Variants in LYRM4 observed in about 807,000 individuals in gnomAD.
The protein encoded by LYRM4 is LYR motif-containing protein 4.
Under a neutral mutation model 11.7 loss-of-function variants are expected in LYRM4, and 9 were observed. The ratio of observed to expected loss-of-function variants is 0.77; its 90% CI spans 0.46 to 1.34. The LOEUF is 1.34. Ranked by LOEUF, LYRM4 falls within the 40% of genes most tolerant of loss-of-function variation. The pLI is 0.00. For missense variants in LYRM4, 133 were observed against 112.5 expected, an observed-to-expected ratio of 1.18 and a Z score of -0.82; for synonymous variants, 42 against 40.4, an observed-to-expected ratio of 1.04 and a Z score of -0.15.
chr6:5,056,233 G>T, the LYRM4 span, among the ~76,000 whole-genome samples: 2 of 152,128 alleles, frequency 1.3e-5, no homozygotes, highest in Non-Finnish European at 1.5e-5. Context: ...ATCTACTTCT[G>T]CATTCAACCA....
At chr6:5,103,518 C>T (rs1350297885), downstream of LYRM4, 4 of 152,204 alleles carry the variant, frequency 2.6e-5, 1 homozygote, top group South Asian at 4.1e-4. Context: ...TTCTCATCCA[C>T]GACTGTGGGC....
chr6:5,260,543 A>G, intron 1 of LYRM4, 105 bp downstream of exon 1: 2 of 1,456,714 alleles, frequency 1.4e-6, no homozygotes, highest in Non-Finnish European at 1.8e-6. Flanking sequence ...AGCCGCCGGC[A>G]AACCACGGTG....
At chr6:5,238,489 G>A (rs1357014461) in intron 1 of LYRM4, among the ~76,000 whole-genome samples, 1 of 152,166 alleles carries the variant, frequency 6.6e-6, no homozygotes, top group East Asian at 1.9e-4. Flanking sequence ...TATAGGCACT[G>A]GATATATTAA....
the LYRM4 span, among the ~76,000 whole-genome samples, chr6:5,043,688 C>A: frequency 2.0e-5 from 3 of 152,160 alleles, no homozygotes; most frequent in Non-Finnish European, 2.9e-5. Context: ...TGCCACCCCC[C>A]ATTCCTCGGG....
At chr6:5,034,987 G>T in the LYRM4 span, among the ~76,000 whole-genome samples, 757 of 151,884 alleles carry the variant, frequency 5.0e-3, 3 homozygotes, top group Non-Finnish European at 7.5e-3. Flanking sequence ...TGCTATACAA[G>T]AAAAGAGTTA....
chr6:5,183,594 A>G lies in LYRM4; in HGVS notation c.207+33024T>C, dbSNP rs1378922635. Among the ~76,000 whole-genome samples the G allele has an allele frequency of 2.0e-5, 3 of 152,182 alleles. No individual in the cohort carries two copies. The South Asian group carries it at 6.2e-4, about 32-fold the overall frequency. On this transcript the variant is annotated intron_variant, in intron 2 of 2. Transcript: ENST00000330636. ...TTCTGCTATGCCTCTACAATCTCCA[A>G]TTTTGAATTTCACATCAAACCTCAG...
intron 2 of LYRM4, among the ~76,000 whole-genome samples, chr6:5,204,892 T>C (rs570801365): frequency 1.3e-5 from 2 of 152,344 alleles, no homozygotes; most frequent in Admixed American, 1.3e-4. Flanking sequence ...GCAAAGATGC[T>C]AAGTGGTGCA....
the LYRM4 span, chr6:5,066,423 CT>C: frequency 1.3e-6 from 1 of 747,654 alleles, no homozygotes; most frequent in Non-Finnish European, 2.5e-6. Context: ...TTTTAAAGGG[CT>C]GCCTGCTGTC....
intron 2 of LYRM4, among the ~76,000 whole-genome samples, chr6:5,110,273 G>A (rs1340832764): frequency 8.8e-6 from 1 of 114,060 alleles, no homozygotes; most frequent in African/African-American, 3.6e-5. Flanking sequence ...ACTATCTATG[G>A]GTAATTCGGG....
chr6:5,045,951 G>T, the LYRM4 span, among the ~76,000 whole-genome samples: 1 of 152,122 alleles, frequency 6.6e-6, no homozygotes, highest in African/African-American at 2.4e-5. Flanking sequence ...GCAGGACATC[G>T]TGCTGCTTAG....
chr6:5,148,793 T>G (rs894118105), intron 2 of LYRM4, among the ~76,000 whole-genome samples: 1 of 152,188 alleles, frequency 6.6e-6, no homozygotes, highest in Non-Finnish European at 1.5e-5. Flanking sequence ...ATATGAAAGA[T>G]ATAATGGAAT....
chr6:5,144,464 C>T (rs1354032471), intron 2 of LYRM4, among the ~76,000 whole-genome samples: 4 of 151,688 alleles, frequency 2.6e-5, no homozygotes, highest in Non-Finnish European at 4.4e-5. Flanking sequence ...GGTGAATCCC[C>T]GTCTCTACTA....
intron 2 of LYRM4, among the ~76,000 whole-genome samples, chr6:5,145,138 C>T (rs556665530): frequency 2.0e-4 from 31 of 152,230 alleles, no homozygotes; most frequent in Admixed American, 3.9e-4. Context: ...ATTTCACACA[C>T]ACAATCCATG....
chr6:5,149,801 T>C (rs1757987291), intron 2 of LYRM4, among the ~76,000 whole-genome samples: 1 of 152,198 alleles, frequency 6.6e-6, no homozygotes. Flanking sequence ...AAAGCATGCC[T>C]GTCCACACAT....
chr6:5,238,278 T>C (rs1305078883), intron 1 of LYRM4, among the ~76,000 whole-genome samples: 1 of 152,210 alleles, frequency 6.6e-6, no homozygotes, highest in African/African-American at 2.4e-5. Context: ...TTCTAAAATT[T>C]CTTACTGAGA....
At chr6:5,086,542 C>T in the LYRM4 span, 2 of 1,528,170 alleles carry the variant, frequency 1.3e-6, no homozygotes, top group South Asian at 1.2e-5. Context: ...GCGCTACGCG[C>T]GCCCTGCGGA....
At chr6:5,229,364 G>A (rs1763097111) in intron 1 of LYRM4, among the ~76,000 whole-genome samples, 3 of 152,176 alleles carry the variant, frequency 2.0e-5, no homozygotes, top group South Asian at 4.1e-4. Flanking sequence ...TTGCCAAAGC[G>A]GGCGATTGTC....
the LYRM4 span, chr6:5,085,821 G>A: frequency 1.3e-6 from 2 of 1,527,872 alleles, no homozygotes; most frequent in African/African-American, 2.8e-5. Flanking sequence ...TGGGCGGCGA[G>A]GGGGCGGAGG....
At chr6:5,102,614 C>G (rs1762539180), downstream of LYRM4, 1 of 152,222 alleles carries the variant, frequency 6.6e-6, no homozygotes, top group Non-Finnish European at 1.5e-5. Context: ...AAGCTTATCA[C>G]TTTATTAGGA....
Sources: allele counts gnomAD v4.1 joint callset (sites outside exome capture counted in the v4.1 genomes callset), GRCh38; gene constraint gnomAD v4.1.1; transcripts MANE v1.5; gene names NCBI Gene and HGNC (gene_info 2026-07-23, HGNC 2026-07-21).